Variants in ANXA4 observed in about 807,000 individuals in gnomAD.
The protein encoded by ANXA4 is annexin A4.
A neutral mutation model predicts 49.8 loss-of-function variants in ANXA4; 39 were observed. That is an observed-to-expected ratio of 0.78 (90% CI 0.61 to 1.02). The LOEUF (loss-of-function observed/expected upper bound fraction) is 1.02, where lower values mean the gene tolerates loss of function less well. Ranked by LOEUF, ANXA4 falls within the 50% of genes least tolerant of loss-of-function variation. The probability of loss-of-function intolerance (pLI) is 0.00; values close to 1 mark genes in which losing one functional copy is unlikely to be tolerated. For synonymous variants in ANXA4, 134 were observed against 152.5 expected (o/e 0.88, Z 0.89); for missense variants, 360 against 410.1 (o/e 0.88, Z 1.05).
chr2:69,763,795 TG>T (rs1387780050), intron 1 of ANXA4, among the ~76,000 whole-genome samples: 3 of 151,952 alleles, frequency 2.0e-5, no homozygotes, highest in Non-Finnish European at 4.4e-5. Flanking sequence ...CCTGAGTAGC[TG>T]GGATTACAGG....
At chr2:69,817,192 T>C (rs956628171) in intron 9 of ANXA4, 1 of 152,258 alleles carries the variant, frequency 6.6e-6, no homozygotes, top group Non-Finnish European at 1.5e-5. Flanking sequence ...TAAATGCATT[T>C]GCAAGAATTT....
At chr2:69,650,479 C>A (rs1676191375) in intron 1 of ANXA4, among the ~76,000 whole-genome samples, 1 of 148,730 alleles carries the variant, frequency 6.7e-6, no homozygotes, top group Non-Finnish European at 1.5e-5. Flanking sequence ...TTTTTGTATC[C>A]TTTTTTTTTT....
At chr2:69,752,447 T>C (rs982166207) in intron 1 of ANXA4, among the ~76,000 whole-genome samples, 1 of 152,192 alleles carries the variant, frequency 6.6e-6, no homozygotes, top group Non-Finnish European at 1.5e-5. Flanking sequence ...AGATTTAGCC[T>C]TGGAGAAACA....
chr2:69,719,178 A>G (rs1669750152), intron 2 of ANXA4, among the ~76,000 whole-genome samples: 1 of 146,922 alleles, frequency 6.8e-6, no homozygotes, highest in Non-Finnish European at 1.5e-5. Flanking sequence ...AGGTTTCACT[A>G]TGTTGGCCAA....
rs543306424 is a variant in ANXA4 at position 69,702,256 on chromosome 2, G to A, written n.767-18518G>A. Among the ~76,000 whole-genome samples the A allele has an allele frequency of 8.2e-3, 1,248 of 151,948 alleles. 8 individuals carry two copies. The highest frequency in any genetic ancestry group is 0.013 in the Non-Finnish European group (881 of 67,916). ...TTGAACTCCTGACCTCAAATGATCC[G>A]CCTGCCTCAGCCTCCCAAACTGCTG... On this transcript the variant is annotated intron_variant and non_coding_transcript_variant, in intron 2 of 3. Coordinates refer to the ANXA4 transcript ENST00000418066.
intron 2 of ANXA4, among the ~76,000 whole-genome samples, chr2:69,781,890 A>G (rs1672214836): frequency 6.6e-6 from 1 of 152,188 alleles, no homozygotes; most frequent in Admixed American, 6.5e-5. Context: ...AGGAAAAACT[A>G]AAAATTCTTT....
chr2:69,747,008 C>T (rs1015168526), intron 1 of ANXA4, among the ~76,000 whole-genome samples: 5 of 151,786 alleles, frequency 3.3e-5, no homozygotes, highest in African/African-American at 1.2e-4. Context: ...AAAACAAAAA[C>T]GAAAAATCCT....
chr2:69,823,943 GT>G (rs1352461184), intron 12 of ANXA4, among the ~76,000 whole-genome samples: 3 of 152,178 alleles, frequency 2.0e-5, no homozygotes, highest in Admixed American at 2.0e-4. Context: ...GCCAGGTGCA[GT>G]GGCTCACACC....
intron 1 of ANXA4, among the ~76,000 whole-genome samples, chr2:69,756,827 C>G (rs1184659440): frequency 6.6e-6 from 1 of 151,340 alleles, no homozygotes; most frequent in Non-Finnish European, 1.5e-5. Context: ...CACCAAGATC[C>G]TAAAAATGGG....
chr2:69,672,856 G>A (rs1332678168), intron 2 of ANXA4, among the ~76,000 whole-genome samples: 2 of 151,792 alleles, frequency 1.3e-5, no homozygotes, highest in Admixed American at 1.3e-4. Flanking sequence ...TGGCTTTATG[G>A]AAAGTCAATA....
chr2:69,670,558 G>A (rs1437866883), intron 2 of ANXA4, among the ~76,000 whole-genome samples: 4 of 151,714 alleles, frequency 2.6e-5, no homozygotes, highest in Non-Finnish European at 5.9e-5. Context: ...CTAAGACAAT[G>A]TGGCATGGGC....
At position 69,820,728 on chromosome 2, in the gene ANXA4, C is replaced by G; in HGVS notation, c.813C>G (p.Ile271Met). 1.2e-6 allele frequency: 2 copies of G among 1,614,094 alleles called. No individual in the cohort carries two copies. The highest frequency in any genetic ancestry group is 1.1e-5 in the South Asian group (1 of 91,084). Residue 271 changes from isoleucine (I) to methionine (M), a missense_variant, in exon 12 of 13, where the codon ATC (isoleucine) becomes ATG (methionine). Physicochemically the swap from Ile to Met is conservative, Grantham distance 10. Coordinates refer to ENST00000394295, the MANE Select transcript of ANXA4 (RefSeq NM_001153.5). ...KGLGTDDNTL[I>M]RVMVSRAEID... is the part of the protein sequence containing the mutation. ...TGGGCACCGATGATAACACCCTCATCAGAGTGATGGTTTCTCGAGCAGAAA... is the reference window on the plus strand; with the variant it reads ...TGGGCACCGATGATAACACCCTCATGAGAGTGATGGTTTCTCGAGCAGAAA...
At chr2:69,751,995 G>C (rs191228582) in intron 1 of ANXA4, among the ~76,000 whole-genome samples, 172 of 152,276 alleles carry the variant, frequency 1.1e-3, no homozygotes, top group Non-Finnish European at 1.2e-3. Flanking sequence ...ATAATAATTT[G>C]ATATATATGT....
chr2:69,816,048 T>A, intron 8 of ANXA4, 53 bp from the exon 9 acceptor site: 1 of 1,408,056 alleles, frequency 7.1e-7, no homozygotes. Context: ...TATTTGCCTG[T>A]GTCCTGGCAC....
intron 3 of ANXA4, among the ~76,000 whole-genome samples, chr2:69,733,036 T>G (rs1670146368): frequency 6.6e-6 from 1 of 152,342 alleles, no homozygotes; most frequent in Admixed American, 6.5e-5. Flanking sequence ...AATAAATATG[T>G]TGTCAGTTTT....
At chr2:69,729,160 C>T (rs578003080) in intron 3 of ANXA4, among the ~76,000 whole-genome samples, 1 of 152,272 alleles carries the variant, frequency 6.6e-6, no homozygotes, top group East Asian at 1.9e-4. Context: ...ACTACAGGTG[C>T]AAGCTACCAT....
intron 11 of ANXA4, 63 bp downstream of exon 11, chr2:69,819,401 C>T (rs1364505177): frequency 5.5e-6 from 7 of 1,266,282 alleles, no homozygotes; most frequent in Non-Finnish European, 7.9e-6. Context: ...CCTTCTTAAG[C>T]TTACTTATAT....
chr2:69,736,742 A>C (rs966421074), intron 3 of ANXA4, among the ~76,000 whole-genome samples: 3 of 152,216 alleles, frequency 2.0e-5, no homozygotes, highest in Non-Finnish European at 2.9e-5. Context: ...TTGACTGCTA[A>C]TTTGTATGTG....
At chr2:69,725,728 A>C (rs1235691779) in intron 3 of ANXA4, among the ~76,000 whole-genome samples, 1 of 152,186 alleles carries the variant, frequency 6.6e-6, no homozygotes, top group Non-Finnish European at 1.5e-5. Context: ...GCACTGTAAG[A>C]GGCTAAATGA....
Sources: gnomAD v4.1 joint callset for allele counts (sites outside exome capture counted in the v4.1 genomes callset) on GRCh38, gnomAD v4.1.1 for gene constraint, MANE v1.5 for transcripts, NCBI Gene and HGNC (gene_info 2026-07-23, HGNC 2026-07-21) for gene names.